Variants in DAB1 observed in about 807,000 individuals in gnomAD.
DAB1 encodes the protein DAB adaptor protein 1.
Under a neutral mutation model 64.6 loss-of-function variants are expected in DAB1, and 15 were observed. The observed-to-expected ratio is 0.23, with a 90% CI of 0.16 to 0.36. DAB1 has a LOEUF of 0.36. Ranked by LOEUF, DAB1 falls within the 10% of genes least tolerant of loss-of-function variation. The probability of loss-of-function intolerance (pLI) is 1.00; values close to 1 mark genes in which losing one functional copy is unlikely to be tolerated. For synonymous variants in DAB1, 235 were observed against 251.9 expected (o/e 0.93, Z 0.64); for missense variants, 596 against 706.7 (o/e 0.84, Z 1.78).
intron 1 of DAB1, among the ~76,000 whole-genome samples, chr1:58,530,338 A>T (rs1646415784): frequency 6.6e-6 from 1 of 152,186 alleles, no homozygotes; most frequent in African/African-American, 2.4e-5. Context: ...ACCAATAAAT[A>T]TATTTTCAAA....
chr1:57,500,674 G>A (rs1463625168), intron 7 of DAB1, among the ~76,000 whole-genome samples: 1 of 152,156 alleles, frequency 6.6e-6, no homozygotes, highest in Non-Finnish European at 1.5e-5. Flanking sequence ...TTATGCCAAG[G>A]AGAATGTTAT....
intron 2 of DAB1, among the ~76,000 whole-genome samples, chr1:57,215,259 A>C (rs1233262980): frequency 2.0e-5 from 3 of 152,198 alleles, no homozygotes; most frequent in Non-Finnish European, 4.4e-5. Flanking sequence ...ATGTTTTCCA[A>C]ATCAGAGTAA....
chr1:57,917,821 T>C (rs1163915105), intron 5 of DAB1, among the ~76,000 whole-genome samples: 1 of 152,162 alleles, frequency 6.6e-6, no homozygotes, highest in Non-Finnish European at 1.5e-5. Context: ...ATGCTCACAT[T>C]GATGCTACTT....
At chr1:58,354,403 G>A (rs868159288) in intron 3 of DAB1, among the ~76,000 whole-genome samples, 3 of 152,074 alleles carry the variant, frequency 2.0e-5, no homozygotes, top group Admixed American at 6.6e-5. Flanking sequence ...ACCTTCTCTC[G>A]TAGCATTTAA....
chr1:57,972,429 G>C (rs1238757777), intron 5 of DAB1, among the ~76,000 whole-genome samples: 2 of 152,032 alleles, frequency 1.3e-5, no homozygotes, highest in East Asian at 3.9e-4. Flanking sequence ...TTTTTGTAGA[G>C]ACAGAGTCTT....
At chr1:58,079,615 C>T (rs1220201393) in intron 5 of DAB1, among the ~76,000 whole-genome samples, 1 of 149,130 alleles carries the variant, frequency 6.7e-6, no homozygotes, top group Non-Finnish European at 1.5e-5. Context: ...CTCTGCCTCC[C>T]GGTTCAAGCA....
intron 2 of DAB1, among the ~76,000 whole-genome samples, chr1:57,223,915 A>G (rs1401346686): frequency 6.6e-6 from 1 of 152,158 alleles, no homozygotes; most frequent in Non-Finnish European, 1.5e-5. Context: ...TATCATGGGG[A>G]AAACTGGCTT....
intron 4 of DAB1, among the ~76,000 whole-genome samples, chr1:58,175,337 C>G (rs886441137): frequency 6.6e-6 from 1 of 152,170 alleles, no homozygotes; most frequent in Non-Finnish European, 1.5e-5. Flanking sequence ...GGAAGAAACT[C>G]TGGACACATC....
At position 58,127,939 on chromosome 1, in the gene DAB1, C is replaced by T. The variant is rs1464500728; in HGVS notation, n.387+22572G>A. ...TTGGCTTAGGATTGACTTGGCTATG[C>T]GGGCTCTTTTTTGGTTCCATATGAA... On this transcript the variant is annotated intron_variant and non_coding_transcript_variant, in intron 5 of 20. Transcript: ENST00000485760. Among the ~76,000 whole-genome samples the T allele has an allele frequency of 1.3e-4, 20 of 152,058 alleles. 1 individual carries two copies. The highest frequency in any genetic ancestry group is 1.2e-3 in the Admixed American group (19 of 15,252).
chr1:57,186,396 C>A (rs155309), intron 2 of DAB1, among the ~76,000 whole-genome samples: 50,380 of 151,928 alleles, frequency 0.33, 9,224 homozygotes, highest in Middle Eastern at 0.49. Flanking sequence ...ACTTCTCTGG[C>A]AGATAAGGAT....
rs373179511 is a variant in DAB1, at chr1:57,877,659, C to A, written n.87+6340G>T. On this transcript the variant is annotated intron_variant and non_coding_transcript_variant, in intron 1 of 1. Coordinates refer to the DAB1 transcript ENST00000477280. ...CACTGCAAGCTCCGCTTCCCGGGTT[C>A]ACGCCATTCTCCTGCCTCAGCCTCC... Among the ~76,000 whole-genome samples the A allele has an allele frequency of 2.7e-4, 21 of 78,538 alleles. 7 individuals are homozygous for A. In the East Asian group the frequency reaches 4.1e-3, roughly 15 times the overall value. 51.5% of individuals were successfully genotyped at this position (78,538 alleles called of 152,430 possible). A position where few individuals can be genotyped will look rare whatever the true frequency, so the allele number is the denominator to read the frequency against.
intron 2 of DAB1, among the ~76,000 whole-genome samples, chr1:57,258,132 T>G (rs575673319): frequency 6.6e-6 from 1 of 152,324 alleles, no homozygotes; most frequent in South Asian, 2.1e-4. Flanking sequence ...AAATTAATAC[T>G]CAGCAAAGTG....
chr1:57,854,375 G>A (rs574534045), intron 1 of DAB1, among the ~76,000 whole-genome samples: 125 of 152,304 alleles, frequency 8.2e-4, no homozygotes, highest in Non-Finnish European at 1.5e-3. Context: ...CTGCAGAAAG[G>A]GGGAGTGTGA....
intron 3 of DAB1, among the ~76,000 whole-genome samples, chr1:58,467,217 T>G (rs1645305977): frequency 6.6e-6 from 1 of 152,248 alleles, no homozygotes; most frequent in Non-Finnish European, 1.5e-5. Flanking sequence ...GCCTGAAACA[T>G]GTAACAAAGT....
chr1:57,755,433 T>A (rs1648759341), intron 6 of DAB1, among the ~76,000 whole-genome samples: 2 of 152,212 alleles, frequency 1.3e-5, no homozygotes, highest in African/African-American at 4.8e-5. Context: ...ATTCATTCAA[T>A]AAGAATTTAT....
At chr1:58,360,408 T>C (rs147428191) in intron 3 of DAB1, among the ~76,000 whole-genome samples, 343 of 152,236 alleles carry the variant, frequency 2.3e-3, no homozygotes, top group South Asian at 5.0e-3. Flanking sequence ...CTGAAAGCCA[T>C]AAAGCACCAT....
intron 4 of DAB1, among the ~76,000 whole-genome samples, chr1:58,227,766 C>G (rs1659567298): frequency 6.6e-6 from 1 of 152,200 alleles, no homozygotes; most frequent in African/African-American, 2.4e-5. Flanking sequence ...TCAGCTCTTC[C>G]ACTCACTGTT....
At chr1:57,600,098 T>A (rs1323097023) in intron 7 of DAB1, among the ~76,000 whole-genome samples, 1 of 152,172 alleles carries the variant, frequency 6.6e-6, no homozygotes, top group African/African-American at 2.4e-5. Flanking sequence ...GCCATGTCTC[T>A]GTGCCCCCTT....
intron 3 of DAB1, among the ~76,000 whole-genome samples, chr1:58,370,374 CGTGTGTGTGT>C (rs67230027): frequency 0.1 from 15,158 of 144,446 alleles, 1,152 homozygotes; most frequent in African/African-American, 0.21. Context: ...TGAGTGTGTG[CGTGTGTGTGT>C]GTGTGTGTGT....
Sources: allele counts gnomAD v4.1 joint callset (sites outside exome capture counted in the v4.1 genomes callset), GRCh38; gene constraint gnomAD v4.1.1; transcripts MANE v1.5; gene names NCBI Gene and HGNC (gene_info 2026-07-23, HGNC 2026-07-21).